Variants in BBS9 observed in about 807,000 individuals in gnomAD.
BBS9 encodes protein PTHB1.
BBS9 carries 89 observed loss-of-function variants against 117.7 expected under a neutral mutation model. The ratio of observed to expected loss-of-function variants is 0.76; its 90% CI spans 0.64 to 0.90. BBS9 has a LOEUF of 0.90. Among genes scored for constraint, BBS9 ranks in the 40% least tolerant of loss-of-function variants. The pLI, the probability that BBS9 is intolerant of heterozygous loss-of-function variation, is 0.00. For synonymous variants in BBS9, 379 were observed against 370.9 expected (o/e 1.02, Z -0.25); for missense variants, 982 against 1,042.2 (o/e 0.94, Z 0.80).
At chr7:33,307,639 A>T (rs1808303103) in intron 9 of BBS9, among the ~76,000 whole-genome samples, 1 of 152,124 alleles carries the variant, frequency 6.6e-6, no homozygotes. Flanking sequence ...TTCCTGTATT[A>T]TTTAATGTCA....
At chr7:33,243,911 A>C (rs1483067654) in intron 5 of BBS9, among the ~76,000 whole-genome samples, 1 of 152,120 alleles carries the variant, frequency 6.6e-6, no homozygotes, top group African/African-American at 2.4e-5. Flanking sequence ...TGGTGATTAT[A>C]ATCTATTTCT....
At chr7:33,515,796 C>T (rs1035065542) in intron 20 of BBS9, among the ~76,000 whole-genome samples, 3 of 152,154 alleles carry the variant, frequency 2.0e-5, no homozygotes, top group East Asian at 1.9e-4. Context: ...TTTCTTGTCT[C>T]ACATCCTGGA....
At chr7:33,534,996 G>T (rs1033746050) in intron 21 of BBS9, among the ~76,000 whole-genome samples, 2 of 151,846 alleles carry the variant, frequency 1.3e-5, no homozygotes, top group African/African-American at 4.8e-5. Flanking sequence ...TTACTTCCCC[G>T]CCCCCATTCC....
At chr7:33,210,101 A>G (rs1310947585) in intron 5 of BBS9, among the ~76,000 whole-genome samples, 1 of 151,950 alleles carries the variant, frequency 6.6e-6, no homozygotes, top group Non-Finnish European at 1.5e-5. Flanking sequence ...TTCCATTTTC[A>G]TTTGTTTCAA....
At chr7:33,303,530 C>CG (rs1807001798) in intron 9 of BBS9, among the ~76,000 whole-genome samples, 1 of 119,416 alleles carries the variant, frequency 8.4e-6, no homozygotes, top group Non-Finnish European at 1.7e-5. Context: ...CCTCCCCCCG[C>CG]CCCTTCTTTC....
chr7:33,463,663 A>T (rs1002063373), intron 19 of BBS9, among the ~76,000 whole-genome samples: 2 of 152,134 alleles, frequency 1.3e-5, no homozygotes, highest in African/African-American at 4.8e-5. Flanking sequence ...TATAGCAACC[A>T]GATTGTAAAC....
chr7:33,422,245 C>T (rs1832965324), intron 19 of BBS9, among the ~76,000 whole-genome samples: 1 of 152,072 alleles, frequency 6.6e-6, no homozygotes, highest in Non-Finnish European at 1.5e-5. Flanking sequence ...AAATGTGTGA[C>T]ATATTACTTC....
At chr7:33,529,568 A>G (rs1850239378) in intron 20 of BBS9, among the ~76,000 whole-genome samples, 1 of 152,178 alleles carries the variant, frequency 6.6e-6, no homozygotes, top group African/African-American at 2.4e-5. Flanking sequence ...GTAGTGTAAC[A>G]TGCACATTTA....
intron 16 of BBS9, among the ~76,000 whole-genome samples, chr7:33,359,267 C>G (rs1277103830): frequency 1.9e-4 from 29 of 151,908 alleles, no homozygotes. Context: ...CTTTGAAAAA[C>G]GTTTAAACAC....
intron 20 of BBS9, among the ~76,000 whole-genome samples, chr7:33,533,093 G>A (rs897419200): frequency 2.6e-5 from 4 of 152,118 alleles, no homozygotes; most frequent in Non-Finnish European, 5.9e-5. Context: ...CCTAAAGGGA[G>A]CTCCTAAACT....
At chr7:33,383,519 A>C in intron 17 of BBS9, 147 bp from the exon 18 acceptor site, 1 of 746,130 alleles carries the variant, frequency 1.3e-6, no homozygotes, top group Non-Finnish European at 2.2e-6. Context: ...GAAACAGTGA[A>C]AGTATTTTTA....
At position 33,247,824 on chromosome 7, in the gene BBS9, A is replaced by G. The variant is rs1283363684; in HGVS notation, c.443-9412A>G. Among the ~76,000 whole-genome samples, 3 of 152,160 alleles carry G rather than the reference A, an allele frequency of 2.0e-5. No homozygotes were observed. In the East Asian group the frequency reaches 5.8e-4, roughly 29 times the overall value. ...CATCTGACAAAATAATTCACCCAAT[A>G]TTTTGTGGATGCAAGCAATAATATA... On this transcript the variant is annotated intron_variant, in intron 5 of 22. Coordinates refer to ENST00000242067, the MANE Select transcript of BBS9 (RefSeq NM_198428.3).
chr7:33,411,421 T>C (rs906863811), intron 19 of BBS9, among the ~76,000 whole-genome samples: 2 of 152,162 alleles, frequency 1.3e-5, no homozygotes, highest in African/African-American at 4.8e-5. Flanking sequence ...ACAGATGCAA[T>C]CTTTGTGTTT....
At chr7:33,220,240 A>G (rs1322279970) in intron 5 of BBS9, among the ~76,000 whole-genome samples, 4 of 152,216 alleles carry the variant, frequency 2.6e-5, no homozygotes, top group African/African-American at 9.6e-5. Context: ...ACAGTTGGGA[A>G]CAACTCTTCA....
intron 5 of BBS9, among the ~76,000 whole-genome samples, chr7:33,232,381 T>C (rs1792634641): frequency 6.6e-6 from 1 of 152,120 alleles, no homozygotes; most frequent in African/African-American, 2.4e-5. Context: ...TAGATATAAA[T>C]AGAAATACAT....
intron 19 of BBS9, among the ~76,000 whole-genome samples, chr7:33,434,713 A>G (rs778755053): frequency 6.6e-6 from 1 of 152,164 alleles, no homozygotes. Context: ...TGTATTTACA[A>G]TTATTTCAAA....
At chr7:33,181,806 G>A (rs1291713974) in intron 5 of BBS9, among the ~76,000 whole-genome samples, 1 of 152,156 alleles carries the variant, frequency 6.6e-6, no homozygotes. Context: ...ATCCTTGGCC[G>A]GGCGTGGTGG....
At position 33,388,759 on chromosome 7, in the gene BBS9, A is replaced by G. The variant is rs1331583019; in HGVS notation, c.2115+615A>G. Among the ~76,000 whole-genome samples, 3 of 152,158 alleles carry G rather than the reference A, an allele frequency of 2.0e-5. No individual in the cohort carries two copies. In the East Asian group the frequency reaches 5.8e-4, roughly 29 times the overall value. Reference sequence around the variant, plus strand: ...TCAAAACATCTCTCACTTAAAAATTATTTTTTAAATTTTAAAATAATTTTA... The same window carrying G: ...TCAAAACATCTCTCACTTAAAAATTGTTTTTTAAATTTTAAAATAATTTTA... On this transcript the variant is annotated intron_variant, in intron 19 of 22. Coordinates refer to ENST00000242067, the MANE Select transcript of BBS9 (RefSeq NM_198428.3).
In BBS9 at chr7:33,603,430, G is replaced by A. The variant is rs551910448; in HGVS notation, c.2522-1435G>A. On this transcript the variant is annotated intron_variant, in intron 21 of 22. Coordinates refer to ENST00000242067, the MANE Select transcript of BBS9 (RefSeq NM_198428.3). ...ACTGGCTTTTTGGGCCTCTCCAAAG[G>A]TCTCAGCCCCACCGTGTGACAAGAC... 2.6e-5 allele frequency among the ~76,000 whole-genome samples: 4 copies of A among 152,198 alleles called. No homozygotes were observed. The South Asian group carries it at 8.3e-4, about 32-fold the overall frequency.
Sources: allele counts gnomAD v4.1 joint callset (sites outside exome capture counted in the v4.1 genomes callset), GRCh38; gene constraint gnomAD v4.1.1; transcripts MANE v1.5; gene names NCBI Gene and HGNC (gene_info 2026-07-23, HGNC 2026-07-21).